Variants in ADGRE3 observed in about 807,000 individuals in gnomAD.
The protein encoded by ADGRE3 is EGF-like module receptor 3.
A neutral mutation model predicts 80.1 loss-of-function variants in ADGRE3; 88 were observed. That is an observed-to-expected ratio of 1.10 (90% CI 0.93 to 1.31). ADGRE3 has a LOEUF of 1.31. ADGRE3 is among the 40% of genes most tolerant of loss of function. ADGRE3 has a pLI of 0.00. For missense variants in ADGRE3, 715 were observed against 776.5 expected (o/e 0.92, Z 0.94); for synonymous variants, 281 against 294.8 (o/e 0.95, Z 0.48).
chr19:14,638,001 C>T (rs764570652), intron 11 of ADGRE3, 104 bp downstream of exon 11: 29 of 797,048 alleles, frequency 3.6e-5, no homozygotes, highest in South Asian at 1.4e-4. Context: ...TAAAGGAGAA[C>T]GTAGAGTGCA....
At chr19:14,662,753 C>T (rs1316844305) in intron 3 of ADGRE3, among the ~76,000 whole-genome samples, 2 of 151,968 alleles carry the variant, frequency 1.3e-5, no homozygotes, top group East Asian at 1.9e-4. Flanking sequence ...CTCCCTTTTG[C>T]TCCTGCTTCT....
chr19:14,658,016 C>T (rs1000904382), intron 5 of ADGRE3, among the ~76,000 whole-genome samples: 1 of 152,052 alleles, frequency 6.6e-6, no homozygotes, highest in African/African-American at 2.4e-5. Context: ...ATGCCTACCT[C>T]GGCCTCCCAA....
chr19:14,616,662 A>C (rs887951758), downstream of ADGRE3, among the ~76,000 whole-genome samples: 11 of 151,832 alleles, frequency 7.2e-5, no homozygotes, highest in African/African-American at 2.7e-4. Context: ...TGGACTTTGC[A>C]CCGAGGAAGC....
At chr19:14,605,186 C>T in the ADGRE3 span, among the ~76,000 whole-genome samples, 1 of 151,976 alleles carries the variant, frequency 6.6e-6, no homozygotes, top group Admixed American at 6.6e-5. Flanking sequence ...CAACCTCCAC[C>T]TCCTGGTTTC....
At chr19:14,615,202 CTTTTTT>C (rs34167082), downstream of ADGRE3, among the ~76,000 whole-genome samples, 3 of 65,634 alleles carry the variant, frequency 4.6e-5, no homozygotes, top group Non-Finnish European at 8.3e-5. Flanking sequence ...CAGCTGCCTT[CTTTTTT>C]TTTTTTTTTT....
chr19:14,641,783 T>C (rs1460295882), intron 9 of ADGRE3, among the ~76,000 whole-genome samples, 167 bp from the exon 10 acceptor site: 1 of 152,220 alleles, frequency 6.6e-6, no homozygotes, highest in South Asian at 2.1e-4. Context: ...ACACTGCTAA[T>C]ATAGATGGCT....
chr19:14,625,330 C>A (rs1204828453), intron 15 of ADGRE3, among the ~76,000 whole-genome samples, 162 bp downstream of exon 15: 3 of 152,148 alleles, frequency 2.0e-5, no homozygotes, highest in Non-Finnish European at 4.4e-5. Context: ...AGCAAACCAC[C>A]ATGGCACACG....
At chr19:14,628,229 T>C (rs1970784572) in intron 14 of ADGRE3, among the ~76,000 whole-genome samples, 1 of 149,942 alleles carries the variant, frequency 6.7e-6, no homozygotes, top group Admixed American at 6.7e-5. Flanking sequence ...AGAGTACATA[T>C]AAGTGTTTTG....
At chr19:14,629,158 A>G (rs977169001) in intron 14 of ADGRE3, among the ~76,000 whole-genome samples, 4 of 152,152 alleles carry the variant, frequency 2.6e-5, no homozygotes, top group African/African-American at 9.7e-5. Flanking sequence ...TCCTGAGCAC[A>G]AGTGATCCCC....
intron 6 of ADGRE3, among the ~76,000 whole-genome samples, chr19:14,651,503 C>A (rs939661453): frequency 6.6e-6 from 1 of 152,164 alleles, no homozygotes; most frequent in Non-Finnish European, 1.5e-5. Context: ...TCAGGGACAA[C>A]TCTATAGATG....
intron 5 of ADGRE3, 145 bp downstream of exon 5, chr19:14,658,368 C>A (rs1971834398): frequency 1.5e-5 from 5 of 330,632 alleles, no homozygotes; most frequent in Non-Finnish European, 2.2e-5. Context: ...ATAACATATT[C>A]TTTGTCCTAA....
intron 7 of ADGRE3, among the ~76,000 whole-genome samples, chr19:14,649,289 G>A (rs367817162): frequency 1.3e-3 from 104 of 81,140 alleles, no homozygotes; most frequent in African/African-American, 5.1e-3. Context: ...TCTCCATCTC[G>A]CTTTTGATCT....
chr19:14,617,369 TCTTTCTTC>T (rs1434266289), downstream of ADGRE3, among the ~76,000 whole-genome samples: 472 of 128,570 alleles, frequency 3.7e-3, 18 homozygotes, highest in South Asian at 8.5e-3. Context: ...TTTCTTTCTT[TCTTTCTTC>T]CTTTCTTTCT....
rs376885487 is a variant in ADGRE3, at chr19:14,662,206, A to G, written c.200-88T>C. On this transcript the variant is annotated intron_variant, in intron 3 of 15. Coordinates refer to ENST00000253673, the MANE Select transcript of ADGRE3 (RefSeq NM_032571.5). ...TGTCAGGAGTTGTGCTCTTTCCCCC[A>G]TGGTCTGTCCTGGCTTTCCGAGACA... 24 of 1,368,830 alleles carry G rather than the reference A, an allele frequency of 1.8e-5. No individual in the cohort carries two copies. The African/African-American group carries it at 2.3e-4, about 13-fold the overall frequency. The allele number at this position is 1,368,830 out of a possible 1,614,324, so 84.8% of individuals were successfully genotyped here. A position where few individuals can be genotyped will look rare whatever the true frequency, so the allele number is the denominator to read the frequency against.
chr19:14,636,427 G>A (rs564320869), intron 11 of ADGRE3, among the ~76,000 whole-genome samples: 1 of 151,248 alleles, frequency 6.6e-6, no homozygotes, highest in Non-Finnish European at 1.5e-5. Context: ...GGCTGGTCCC[G>A]CACTCCTGGC....
Position 14,673,155 on chromosome 19 carries a change from T to C in ADGRE3, c.25+1591A>G, listed in dbSNP as rs192980872. On this transcript the variant is annotated intron_variant, in intron 1 of 15. Coordinates refer to ENST00000253673, the MANE Select transcript of ADGRE3 (RefSeq NM_032571.5). ...TGCAAAGGTGAGGGAGACATGGCATTAGGATTTAAGTGTAGCTTGTATTAT... is the reference window on the plus strand; with the variant it reads ...TGCAAAGGTGAGGGAGACATGGCATCAGGATTTAAGTGTAGCTTGTATTAT... 2.4e-4 allele frequency among the ~76,000 whole-genome samples: 36 copies of C among 152,290 alleles called. No homozygotes were observed. The East Asian group carries it at 6.6e-3, about 28-fold the overall frequency.
chr19:14,640,323 C>T (rs1971214260), intron 10 of ADGRE3, among the ~76,000 whole-genome samples: 1 of 151,986 alleles, frequency 6.6e-6, no homozygotes, highest in South Asian at 2.1e-4. Flanking sequence ...GAGTTTTGCT[C>T]TTGTTGCCCA....
intron 7 of ADGRE3, 41 bp downstream of exon 7, chr19:14,651,044 G>T (rs1971592140): frequency 6.2e-7 from 1 of 1,611,828 alleles, no homozygotes; most frequent in Non-Finnish European, 8.5e-7. Context: ...ACAATGACAT[G>T]GCTCTGTGTG....
intron 15 of ADGRE3, among the ~76,000 whole-genome samples, chr19:14,620,568 ATTTTTTTTTTTTTTT>A (rs1189295641): frequency 0.017 from 189 of 11,026 alleles, 19 homozygotes; most frequent in Middle Eastern, 0.05. Context: ...ATATATATAT[ATTTTTTTTTTTTTTT>A]TTTTTTTTTT....
Sources: allele counts gnomAD v4.1 joint callset (sites outside exome capture counted in the v4.1 genomes callset), GRCh38; gene constraint gnomAD v4.1.1; transcripts MANE v1.5; gene names NCBI Gene and HGNC (gene_info 2026-07-23, HGNC 2026-07-21).